Variants in CDH8 observed in about 807,000 individuals in gnomAD.
The protein encoded by CDH8 is cadherin 8.
In CDH8, 17 loss-of-function variants were observed where a neutral mutation model predicts 68.1. The observed-to-expected ratio is 0.25, with a 90% CI of 0.17 to 0.37. The LOEUF (loss-of-function observed/expected upper bound fraction) is 0.37. Ranked by LOEUF, CDH8 falls within the 10% of genes least tolerant of loss-of-function variation. CDH8 has a pLI of 1.00. For synonymous variants in CDH8, 372 were observed against 365.1 expected (o/e 1.02, Z -0.21); for missense variants, 763 against 999.3 (o/e 0.76, Z 3.19).
intron 8 of CDH8, among the ~76,000 whole-genome samples, chr16:61,768,311 C>CTCTCTCTCTCTCTCTCTCT (rs1567461041): frequency 4.3e-4 from 7 of 16,390 alleles, no homozygotes; most frequent in Admixed American, 7.5e-4. Context: ...TGTGTCTCTC[C>CTCTCTCTCTCTCTCTCTCT]CTTTCTCTCT....
intron 7 of CDH8, among the ~76,000 whole-genome samples, chr16:61,813,676 G>GT (rs949583531): frequency 6.3e-4 from 95 of 150,774 alleles, no homozygotes; most frequent in Middle Eastern, 3.5e-3. Flanking sequence ...TTGCTTTGCT[G>GT]TTTTTTTTTC....
chr16:61,852,547 G>A (rs1962957880), intron 4 of CDH8, among the ~76,000 whole-genome samples: 1 of 152,010 alleles, frequency 6.6e-6, no homozygotes, highest in Non-Finnish European at 1.5e-5. Context: ...GCATTGTGTT[G>A]CCTAGACACT....
chr16:61,665,115 C>T (rs1488114030), intron 10 of CDH8, among the ~76,000 whole-genome samples: 1 of 151,820 alleles, frequency 6.6e-6, no homozygotes, highest in Non-Finnish European at 1.5e-5. Context: ...TGGTGAGGCT[C>T]TAATCCAAGA....
chr16:61,899,137 C>T (rs928852176), intron 3 of CDH8, among the ~76,000 whole-genome samples: 1 of 152,166 alleles, frequency 6.6e-6, no homozygotes, highest in Non-Finnish European at 1.5e-5. Context: ...TGGCTCCCCA[C>T]ACCCTGACAG....
chr16:61,921,463 A>G (rs1964365519), intron 2 of CDH8, among the ~76,000 whole-genome samples: 1 of 152,170 alleles, frequency 6.6e-6, no homozygotes, highest in Non-Finnish European at 1.5e-5. Flanking sequence ...AACCAACCAT[A>G]GTTACCCACA....
At chr16:61,865,924 G>A (rs1299487577) in intron 3 of CDH8, among the ~76,000 whole-genome samples, 1 of 152,156 alleles carries the variant, frequency 6.6e-6, no homozygotes, top group Non-Finnish European at 1.5e-5. Context: ...TCTACGGTAT[G>A]TGACAACTAC....
At chr16:61,963,126 A>G (rs1019764751) in intron 2 of CDH8, among the ~76,000 whole-genome samples, 1 of 152,146 alleles carries the variant, frequency 6.6e-6, no homozygotes, top group Non-Finnish European at 1.5e-5. Flanking sequence ...GCCATATTGT[A>G]TCTTCCATTC....
At position 61,652,103 on chromosome 16, in the gene CDH8, G is replaced by A; in HGVS notation, c.*1505C>T. The A allele has an allele frequency of 1.1e-6, 1 of 946,348 alleles. No homozygotes were observed. The highest frequency in any genetic ancestry group is 1.3e-6 in the Non-Finnish European group (1 of 794,412). The allele number at this position is 946,348 out of a possible 1,614,324, so 58.6% of individuals were successfully genotyped here. A position where few individuals can be genotyped will look rare whatever the true frequency, so the allele number is the denominator to read the frequency against. On this transcript the variant is annotated 3_prime_UTR_variant, in exon 12 of 12. Transcript: ENST00000577390. ...AGTGAATAAACAATATTGCATTAAA[G>A]CAAAGTAGAAAATTAAAATGATCTG...
Position 62,028,652 on chromosome 16 carries a change from T to C in CDH8, c.-199-7050A>G, listed in dbSNP as rs1048776473. Among the ~76,000 whole-genome samples the C allele has an allele frequency of 5.3e-5, 8 of 152,178 alleles. No homozygotes were observed. The East Asian group carries it at 7.7e-4, about 15-fold the overall frequency. The stretch of plus-strand genomic sequence containing the variant: ...GAACCAGACCTTTACTTAGAAAACT[T>C]TCTTGGAATCATCAGTTTAGTTAAG... On this transcript the variant is annotated intron_variant, in intron 1 of 11. Coordinates refer to ENST00000577390, the MANE Select transcript of CDH8 (RefSeq NM_001796.5).
At chr16:61,951,355 C>CA (rs549509017) in intron 2 of CDH8, among the ~76,000 whole-genome samples, 38 of 151,324 alleles carry the variant, frequency 2.5e-4, no homozygotes, top group Admixed American at 6.6e-4. Context: ...ACTAAAAATA[C>CA]AAAAAAAATT....
At chr16:62,018,243 C>T (rs763015281) in intron 2 of CDH8, among the ~76,000 whole-genome samples, 1 of 152,114 alleles carries the variant, frequency 6.6e-6, no homozygotes, top group Non-Finnish European at 1.5e-5. Context: ...ATACTAAAAA[C>T]AGATGATGGA....
At chr16:62,013,092 A>G (rs542711579) in intron 2 of CDH8, among the ~76,000 whole-genome samples, 1 of 76,864 alleles carries the variant, frequency 1.3e-5, no homozygotes, top group South Asian at 5.9e-4. Flanking sequence ...GTCTCTACTA[A>G]AAAATACAAA....
chr16:61,828,769 C>T, intron 4 of CDH8, among the ~76,000 whole-genome samples: 1 of 151,788 alleles, frequency 6.6e-6, no homozygotes, highest in East Asian at 1.9e-4. Flanking sequence ...TTAGTCTTAA[C>T]CTTACCAACT....
At chr16:61,991,959 C>CGTT (rs923893488) in intron 2 of CDH8, among the ~76,000 whole-genome samples, 4 of 151,964 alleles carry the variant, frequency 2.6e-5, no homozygotes, top group South Asian at 2.1e-4. Context: ...GGATTTAACA[C>CGTT]GTTGTTGTTG....
intron 2 of CDH8, among the ~76,000 whole-genome samples, chr16:62,017,853 C>G (rs563097919): frequency 6.6e-6 from 1 of 152,078 alleles, no homozygotes; most frequent in South Asian, 2.1e-4. Flanking sequence ...CCCACACCCC[C>G]GGGCCAGTGA....
chr16:61,801,174 G>A (rs1255953586), intron 7 of CDH8, among the ~76,000 whole-genome samples: 5 of 151,194 alleles, frequency 3.3e-5, no homozygotes, highest in Non-Finnish European at 7.4e-5. Context: ...CAAGATTCTT[G>A]TGCAATCTCT....
At chr16:61,999,608 A>G (rs1026725682) in intron 2 of CDH8, among the ~76,000 whole-genome samples, 3 of 152,178 alleles carry the variant, frequency 2.0e-5, no homozygotes, top group African/African-American at 4.8e-5. Context: ...TAGGTTTATT[A>G]TGAAAATTAA....
intron 3 of CDH8, among the ~76,000 whole-genome samples, chr16:61,891,496 G>C (rs1443466535): frequency 6.6e-6 from 1 of 152,092 alleles, no homozygotes; most frequent in African/African-American, 2.4e-5. Context: ...CTAAACCATA[G>C]ACCATTTAGG....
intron 10 of CDH8, among the ~76,000 whole-genome samples, chr16:61,665,721 C>T (rs1963655503): frequency 6.6e-6 from 1 of 151,306 alleles, no homozygotes; most frequent in South Asian, 2.1e-4. Flanking sequence ...TCACTTTTAT[C>T]TGTGTAATTT....
Sources: allele counts gnomAD v4.1 joint callset (sites outside exome capture counted in the v4.1 genomes callset), GRCh38; gene constraint gnomAD v4.1.1; transcripts MANE v1.5; gene names NCBI Gene and HGNC (gene_info 2026-07-23, HGNC 2026-07-21).